ODF2L: variants seen among roughly 807,000 people sequenced by gnomAD.
ODF2L encodes outer dense fiber of sperm tails 2 like.
A neutral mutation model predicts 86.3 loss-of-function variants in ODF2L; 76 were observed. The observed-to-expected ratio is 0.88, with a 90% CI of 0.73 to 1.07. The LOEUF is 1.07. Ranked by LOEUF, ODF2L falls within the 50% of genes least tolerant of loss-of-function variation. The pLI, the probability that ODF2L is intolerant of heterozygous loss-of-function variation, is 0.00. For missense variants in ODF2L, 748 were observed against 717.4 expected, an observed-to-expected ratio of 1.04 and a Z score of -0.49; for synonymous variants, 241 against 231.3, an observed-to-expected ratio of 1.04 and a Z score of -0.38.
At chr1:86,362,716 G>C (rs550069925) in intron 11 of ODF2L, among the ~76,000 whole-genome samples, 23 of 151,930 alleles carry the variant, frequency 1.5e-4, no homozygotes, top group African/African-American at 5.5e-4. Context: ...TTGGAGAGCA[G>C]TAGTGTGATC....
chr1:86,395,375 G>A (rs56841249), intron 1 of ODF2L, among the ~76,000 whole-genome samples: 2,930 of 152,154 alleles, frequency 0.019, 97 homozygotes, highest in African/African-American at 0.068. Flanking sequence ...ACTTAATCTC[G>A]TATTACAACC....
chr1:86,394,607 AAGAG>A (rs566589864), intron 1 of ODF2L, among the ~76,000 whole-genome samples: 1 of 152,102 alleles, frequency 6.6e-6, no homozygotes, highest in African/African-American at 2.4e-5. Flanking sequence ...TACAATTCTA[AAGAG>A]AGAGAGCAGA....
chr1:86,362,690 C>T (rs1264598340), intron 11 of ODF2L, among the ~76,000 whole-genome samples: 1 of 151,978 alleles, frequency 6.6e-6, no homozygotes, highest in Non-Finnish European at 1.5e-5. Flanking sequence ...GAGGCAGTCT[C>T]ACTCTGTTGC....
chr1:86,364,552 T>C (rs781508843), intron 11 of ODF2L, among the ~76,000 whole-genome samples: 5 of 152,198 alleles, frequency 3.3e-5, no homozygotes, highest in Non-Finnish European at 5.9e-5. Flanking sequence ...GAAGACTACA[T>C]TCCCTAGTCT....
chr1:86,356,593 G>T (rs1392552746), exon 14 of ODF2L: 1 of 1,613,028 alleles, frequency 6.2e-7, no homozygotes, highest in Non-Finnish European at 8.5e-7. Context: ...GACTCCATCT[G>T]GCCTCTCATC....
chr1:86,364,218 C>T (rs1285053702), intron 11 of ODF2L, among the ~76,000 whole-genome samples: 1 of 152,046 alleles, frequency 6.6e-6, no homozygotes, highest in Non-Finnish European at 1.5e-5. Flanking sequence ...AGAAAATAAA[C>T]ATAATAAAAT....
At chr1:86,347,915 C>T (rs1470305373), downstream of ODF2L, 1 of 152,134 alleles carries the variant, frequency 6.6e-6, no homozygotes, top group East Asian at 1.9e-4. Flanking sequence ...TATCCCAATA[C>T]TAAAGACCTT....
chr1:86,374,236 A>G (rs1290230826), intron 8 of ODF2L, among the ~76,000 whole-genome samples: 2 of 152,144 alleles, frequency 1.3e-5, no homozygotes, highest in Non-Finnish European at 2.9e-5. Context: ...GAAGACTAGT[A>G]TTGTTTTCAT....
intron 8 of ODF2L, among the ~76,000 whole-genome samples, chr1:86,373,714 C>T (rs2101064604): frequency 6.6e-6 from 1 of 152,110 alleles, no homozygotes; most frequent in African/African-American, 2.4e-5. Context: ...CCCAATTCCA[C>T]AGCTCCATAA....
exon 18 of ODF2L, chr1:86,352,048 G>A: frequency 7.6e-7 from 1 of 1,320,140 alleles, no homozygotes; most frequent in Non-Finnish European, 9.7e-7. Flanking sequence ...CTAAATTAAA[G>A]GTGATCGACG....
intron 1 of ODF2L, among the ~76,000 whole-genome samples, chr1:86,390,308 C>G (rs531325103): frequency 6.6e-6 from 1 of 152,174 alleles, no homozygotes; most frequent in South Asian, 2.1e-4. Flanking sequence ...GTAATCCCAG[C>G]TACTCAGGAG....
intron 2 of ODF2L, chr1:86,386,621 C>CA (rs1260898994): frequency 2.3e-4 from 68 of 291,292 alleles, no homozygotes; most frequent in African/African-American, 1.4e-3. Context: ...CTCCTGACCT[C>CA]AAGTGATCCA....
At chr1:86,376,336 C>T (rs1386226467) in exon 8 of ODF2L, 3 of 1,611,664 alleles carry the variant, frequency 1.9e-6, no homozygotes, top group Non-Finnish European at 2.5e-6. Context: ...AGTTTTTTGC[C>T]TACTTGCTTC....
rs746529114 is a variant in ODF2L, at chr1:86,385,598, C to A, written c.114-8G>T. ...AGAATGTCCTGCTTCAGGCTAATTA[C>A]AAATGCACATACAAAATTTAAGTTA... On this transcript the variant is annotated splice_polypyrimidine_tract_variant and splice_region_variant and intron_variant, in intron 2 of 17. Transcript: ENST00000317336. 1 of 1,606,842 alleles carries A rather than the reference C, an allele frequency of 6.2e-7. No individual in the cohort carries two copies. Among genetic ancestry groups the A allele is most frequent in the Non-Finnish European group, 8.5e-7 (1 of 1,174,774 alleles).
In ODF2L at chr1:86,371,128, G is replaced by C. The variant is rs1659759951; in HGVS notation, c.946C>G (p.Leu316Val). 2.0e-6 allele frequency: 3 copies of C among 1,524,258 alleles called. No individual in the cohort carries two copies. The African/African-American group carries it at 4.2e-5, about 21-fold the overall frequency. 94.4% of individuals were successfully genotyped at this position (1,524,258 alleles called of 1,614,324 possible). Reference sequence around the variant, plus strand: ...TTTCCATGGTCTTCCATTTTCTTCAGATCTTCCAAAAGATTAATGATTTGC... The same window carrying C: ...TTTCCATGGTCTTCCATTTTCTTCACATCTTCCAAAAGATTAATGATTTGC... Residue 316 changes from leucine to valine, a missense_variant, in exon 10 of 18, where the codon CTG becomes GTG. Leu to Val is a conservative substitution (Grantham distance 32). Transcript: ENST00000317336.
intron 1 of ODF2L, among the ~76,000 whole-genome samples, chr1:86,387,332 A>G (rs1365397851): frequency 6.6e-6 from 1 of 152,190 alleles, no homozygotes; most frequent in African/African-American, 2.4e-5. Context: ...AATAATCACA[A>G]GAGTGTAAAA....
downstream of ODF2L, chr1:86,347,175 A>C (rs1316825587): frequency 6.6e-6 from 1 of 152,256 alleles, no homozygotes; most frequent in Non-Finnish European, 1.5e-5. Context: ...TACCACAGCC[A>C]TGGTAATTAA....
intron 1 of ODF2L, among the ~76,000 whole-genome samples, chr1:86,395,742 C>T (rs1330628682): frequency 6.6e-6 from 1 of 152,062 alleles, no homozygotes; most frequent in African/African-American, 2.4e-5. Context: ...CCAGGAACGG[C>T]CCGGTCAGGA....
intron 3 of ODF2L, 79 bp from the exon 4 acceptor site, chr1:86,384,880 T>C (rs1660833572): frequency 9.0e-7 from 1 of 1,110,620 alleles, no homozygotes; most frequent in African/African-American, 1.6e-5. Flanking sequence ...TATCAAACAA[T>C]ATTTTTTCCT....
Sources: gnomAD v4.1 joint callset for allele counts (sites outside exome capture counted in the v4.1 genomes callset) on GRCh38, gnomAD v4.1.1 for gene constraint, MANE v1.5 for transcripts, NCBI Gene and HGNC (gene_info 2026-07-23, HGNC 2026-07-21) for gene names.